The following APLF variants were observed in gnomAD, a reference collection of about 807,000 sequenced individuals.
APLF encodes the protein aprataxin and PNK-like factor.
A neutral mutation model predicts 55.6 loss-of-function variants in APLF; 61 were observed. The ratio of observed to expected loss-of-function variants is 1.10; its 90% confidence interval spans 0.89 to 1.36. The LOEUF is 1.36. APLF is among the 40% of genes most tolerant of loss of function. APLF has a pLI of 0.00. For synonymous variants in APLF, 207 were observed against 214.8 expected, an observed-to-expected ratio of 0.96 and a Z score of 0.32; for missense variants, 611 against 602.5, an observed-to-expected ratio of 1.01 and a Z score of -0.15.
intron 8 of APLF, among the ~76,000 whole-genome samples, chr2:68,565,968 C>T (rs1671297392): frequency 6.6e-6 from 1 of 152,044 alleles, no homozygotes; most frequent in Admixed American, 6.6e-5. Context: ...TCCTTAGGCT[C>T]ACATTGCTCA....
At chr2:68,541,385 A>G (rs1336583948) in intron 7 of APLF, among the ~76,000 whole-genome samples, 1 of 152,160 alleles carries the variant, frequency 6.6e-6, no homozygotes, top group Admixed American at 6.6e-5. Flanking sequence ...GATATTTGTT[A>G]CACATATGTC....
At chr2:68,469,247 T>TTAATCTAG (rs1310308550) in intron 1 of APLF, among the ~76,000 whole-genome samples, 2 of 152,212 alleles carry the variant, frequency 1.3e-5, no homozygotes, top group Non-Finnish European at 2.9e-5. Context: ...GAGTATGTGC[T>TTAATCTAG]TAATCTAGTA....
intron 1 of APLF, among the ~76,000 whole-genome samples, chr2:68,489,716 T>G (rs952893967): frequency 3.3e-5 from 5 of 152,230 alleles, no homozygotes; most frequent in Admixed American, 2.6e-4. Context: ...CTGGGTCTCT[T>G]TGACCCCAAA....
At chr2:68,528,206 G>A (rs1367528970) in intron 6 of APLF, 3 of 958,740 alleles carry the variant, frequency 3.1e-6, no homozygotes, top group Non-Finnish European at 4.8e-6. Context: ...GCCTCCCAAA[G>A]TGCTGGATTA....
chr2:68,479,092 G>A (rs934646381), intron 1 of APLF, among the ~76,000 whole-genome samples: 1 of 152,264 alleles, frequency 6.6e-6, no homozygotes. Context: ...AGGTGCTGAA[G>A]TGGTCTACTT....
intron 7 of APLF, among the ~76,000 whole-genome samples, chr2:68,539,266 G>A (rs1329264024): frequency 6.6e-6 from 1 of 152,134 alleles, no homozygotes; most frequent in Non-Finnish European, 1.5e-5. Context: ...GTTTGCCAGG[G>A]CTGCCATAAC....
At chr2:68,531,702 T>C (rs1393695820) in intron 6 of APLF, among the ~76,000 whole-genome samples, 1 of 152,266 alleles carries the variant, frequency 6.6e-6, no homozygotes, top group Non-Finnish European at 1.5e-5. Flanking sequence ...AACATGTCAA[T>C]TGACGTTGCC....
chr2:68,472,733 C>G (rs1675658572), intron 1 of APLF, among the ~76,000 whole-genome samples: 2 of 152,032 alleles, frequency 1.3e-5, no homozygotes, highest in South Asian at 4.2e-4. Flanking sequence ...GTTTAAGGCT[C>G]TAAGATATGG....
Position 68,484,981 on chromosome 2 carries a change from T to TGC in APLF, c.97-5206_97-5205dup, listed in dbSNP as rs548250286. Among the ~76,000 whole-genome samples, 1,161 of 152,188 alleles carry TGC rather than the reference T, an allele frequency of 7.6e-3. 20 individuals are homozygous for TGC. Among genetic ancestry groups the TGC allele is most frequent in the African/African-American group, 0.027 (1,115 of 41,476 alleles). On this transcript the variant is annotated intron_variant, in intron 1 of 9. Transcript: ENST00000303795. ...TAATATGCCTGTGTGTGTGTGTGTGTGCGCACATTTTTTTCTTTCTCCTGA... is the reference window on the plus strand; with the variant it reads ...TAATATGCCTGTGTGTGTGTGTGTGTGCGCGCACATTTTTTTCTTTCTCCTGA...
At chr2:68,472,926 ACT>A (rs1433633282) in intron 1 of APLF, among the ~76,000 whole-genome samples, 1 of 151,806 alleles carries the variant, frequency 6.6e-6, no homozygotes, top group Non-Finnish European at 1.5e-5. Flanking sequence ...GTTCCCATAT[ACT>A]CTCTGCCCTC....
chr2:68,467,712 G>A lies in APLF; in HGVS notation c.-20G>A. 1 of 1,234,478 alleles carries A rather than the reference G, an allele frequency of 8.1e-7. No homozygotes were observed. Among genetic ancestry groups the A allele is most frequent in the Non-Finnish European group, 1.0e-6 (1 of 987,728 alleles). The allele number at this position is 1,234,478 out of a possible 1,614,324, so 76.5% of individuals were successfully genotyped here. A position where few individuals can be genotyped will look rare whatever the true frequency, so the allele number is the denominator to read the frequency against. ...CGGAGGGGCCAGTCTCCTGGCGAAG[G>A]GGCCTAATCCTTGCCCGCCATGTCC... On this transcript the variant is annotated 5_prime_UTR_variant, in exon 1 of 10. Transcript: ENST00000303795.
rs1670173248 is a variant in APLF at position 68,529,228 on chromosome 2, A to G, written c.804+2986A>G. 1 of 1,246,874 alleles carries G rather than the reference A, an allele frequency of 8.0e-7. No homozygotes were observed. The highest frequency in any genetic ancestry group is 2.6e-5 in the East Asian group (1 of 39,196). The allele number at this position is 1,246,874 out of a possible 1,614,324, so 77.2% of individuals were successfully genotyped here. On this transcript the variant is annotated intron_variant, in intron 6 of 9. Coordinates refer to ENST00000303795, the MANE Select transcript of APLF (RefSeq NM_173545.3). The surrounding 1 kb of genome is among the most constrained non-coding windows in gnomAD (Gnocchi z 4.4). ...GGGTGCCCGTGTTCCAAGGGATAAG[A>G]CACAGCCTCATAAGGGTGCCGTCCC...
chr2:68,563,359 G>A (rs1671216592), intron 8 of APLF: 8 of 982,630 alleles, frequency 8.1e-6, no homozygotes, highest in African/African-American at 1.7e-5. Context: ...TTCTTTCATA[G>A]TTATTTGCTC....
chr2:68,518,533 AAT>A (rs1354771318), intron 5 of APLF, among the ~76,000 whole-genome samples: 1 of 117,166 alleles, frequency 8.5e-6, no homozygotes, highest in African/African-American at 3.4e-5. Flanking sequence ...ATTATATATT[AAT>A]ATATAATAAT....
chr2:68,503,005 G>T, intron 3 of APLF, 102 bp downstream of exon 3: 3 of 1,249,144 alleles, frequency 2.4e-6, no homozygotes, highest in Non-Finnish European at 2.2e-6. Context: ...TTAAACTGGA[G>T]ATAGAGTAGG....
chr2:68,502,692 C>T, intron 2 of APLF, 39 bp from the exon 3 acceptor site: 2 of 1,199,592 alleles, frequency 1.7e-6, no homozygotes, highest in Non-Finnish European at 2.2e-6. Context: ...GTATTATATT[C>T]TTTTTTAAAT....
At chr2:68,531,436 C>T (rs878987050) in intron 6 of APLF, 1 of 152,162 alleles carries the variant, frequency 6.6e-6, no homozygotes, top group Admixed American at 6.5e-5. Flanking sequence ...AGAGGTTAGT[C>T]TTCGAATATA....
intron 2 of APLF, among the ~76,000 whole-genome samples, chr2:68,497,312 T>C (rs1342155561): frequency 1.3e-5 from 2 of 152,166 alleles, no homozygotes; most frequent in Non-Finnish European, 2.9e-5. Flanking sequence ...TGTCGAACTG[T>C]AATCTCCAGT....
intron 8 of APLF, among the ~76,000 whole-genome samples, chr2:68,549,177 A>G (rs573317786): frequency 6.6e-5 from 10 of 151,588 alleles, no homozygotes; most frequent in African/African-American, 2.4e-4. Flanking sequence ...GTTTCTCTTC[A>G]TTTTTTCCTT....
Sources: gnomAD v4.1 joint callset for allele counts (sites outside exome capture counted in the v4.1 genomes callset) on GRCh38, gnomAD v4.1.1 for gene constraint, Gnocchi (gnomAD v3.1) non-coding constraint, MANE v1.5 for transcripts, NCBI Gene and HGNC (gene_info 2026-07-23, HGNC 2026-07-21) for gene names.